SLC35F4: variants seen among roughly 807,000 people sequenced by gnomAD.
The protein encoded by SLC35F4 is solute carrier family 35 member F4.
Under a neutral mutation model 44.2 loss-of-function variants are expected in SLC35F4, and 24 were observed. The ratio of observed to expected loss-of-function variants is 0.54; its 90% CI spans 0.39 to 0.76. The LOEUF (loss-of-function observed/expected upper bound fraction) is 0.76, where lower values mean the gene tolerates loss of function less well. Among genes scored for constraint, SLC35F4 ranks in the 30% least tolerant of loss-of-function variants. The pLI, the probability that SLC35F4 is intolerant of heterozygous loss-of-function variation, is 0.00. For missense variants in SLC35F4, 562 were observed against 586.1 expected (o/e 0.96, Z 0.42); for synonymous variants, 238 against 223.6 (o/e 1.06, Z -0.57).
chr14:57,679,627 C>T (rs1382403886), intron 1 of SLC35F4, among the ~76,000 whole-genome samples: 1 of 151,492 alleles, frequency 6.6e-6, no homozygotes, highest in Middle Eastern at 3.2e-3. Flanking sequence ...AGACCAGTAG[C>T]CAGACTAATA....
At chr14:57,782,194 A>C (rs2077638286) in intron 1 of SLC35F4, among the ~76,000 whole-genome samples, 1 of 152,222 alleles carries the variant, frequency 6.6e-6, no homozygotes, top group South Asian at 2.1e-4. Flanking sequence ...TGTTATCAGA[A>C]TTAATTTATA....
chr14:57,676,941 A>G (rs2074715184), intron 1 of SLC35F4, among the ~76,000 whole-genome samples: 1 of 152,126 alleles, frequency 6.6e-6, no homozygotes, highest in Non-Finnish European at 1.5e-5. Context: ...AAGTCATTAT[A>G]TGAAAAAGAC....
chr14:57,764,293 G>A (rs1304016379), intron 1 of SLC35F4, among the ~76,000 whole-genome samples: 3 of 151,774 alleles, frequency 2.0e-5, no homozygotes, highest in Admixed American at 1.3e-4. Flanking sequence ...TACCCTTTTG[G>A]TCTCCTTGCT....
At chr14:57,780,662 A>T (rs565751440) in intron 1 of SLC35F4, among the ~76,000 whole-genome samples, 2 of 152,194 alleles carry the variant, frequency 1.3e-5, no homozygotes, top group African/African-American at 4.8e-5. Context: ...AACAAGAGCC[A>T]TCACACTACT....
intron 1 of SLC35F4, among the ~76,000 whole-genome samples, chr14:57,812,709 A>G (rs1005904386): frequency 6.7e-6 from 1 of 149,654 alleles, no homozygotes; most frequent in African/African-American, 2.5e-5. Flanking sequence ...ACGGACAAAG[A>G]AAAAAAAAAG....
At chr14:57,575,136 A>T (rs901727741) in intron 4 of SLC35F4, among the ~76,000 whole-genome samples, 2 of 152,076 alleles carry the variant, frequency 1.3e-5, no homozygotes, top group Admixed American at 1.3e-4. Flanking sequence ...GTCTCTTGAC[A>T]ATCTATTCCA....
chr14:57,609,760 G>A (rs1038486521), intron 1 of SLC35F4, among the ~76,000 whole-genome samples: 3 of 152,196 alleles, frequency 2.0e-5, no homozygotes, highest in Admixed American at 6.5e-5. Flanking sequence ...TTACTACACA[G>A]GCTTTGGAAT....
At chr14:57,841,882 T>C (rs1405684276) in intron 1 of SLC35F4, among the ~76,000 whole-genome samples, 1 of 152,244 alleles carries the variant, frequency 6.6e-6, no homozygotes, top group Non-Finnish European at 1.5e-5. Flanking sequence ...AAATTTTTTA[T>C]GTGCTGAATG....
At chr14:57,715,171 A>G (rs138655204) in intron 1 of SLC35F4, among the ~76,000 whole-genome samples, 187 of 152,290 alleles carry the variant, frequency 1.2e-3, no homozygotes, top group Middle Eastern at 0.01. Flanking sequence ...ATAGGGGGAA[A>G]AAAAAGGCAA....
At chr14:57,783,864 G>T (rs2077690580) in intron 1 of SLC35F4, among the ~76,000 whole-genome samples, 2 of 152,138 alleles carry the variant, frequency 1.3e-5, no homozygotes, top group South Asian at 4.1e-4. Context: ...GATATTCTAT[G>T]AAAGATTGTC....
At chr14:57,823,731 C>T (rs867827705) in intron 1 of SLC35F4, among the ~76,000 whole-genome samples, 1 of 152,200 alleles carries the variant, frequency 6.6e-6, no homozygotes, top group South Asian at 2.1e-4. Flanking sequence ...TAGAAATTCA[C>T]AGAATACTGT....
chr14:57,587,341 C>CTGTTAACAATAGCAAAGACTT (rs1387274247), intron 3 of SLC35F4, among the ~76,000 whole-genome samples: 1 of 152,144 alleles, frequency 6.6e-6, no homozygotes, highest in Non-Finnish European at 1.5e-5. Context: ...TATTGTGGCA[C>CTGTTAACAATAGCAAAGACTT]TGTTAACAAT....
intron 1 of SLC35F4, among the ~76,000 whole-genome samples, chr14:57,946,305 A>T: frequency 6.6e-6 from 1 of 152,178 alleles, no homozygotes; most frequent in East Asian, 1.9e-4. Flanking sequence ...TTTTTACACA[A>T]GGTGAGAGAT....
At chr14:57,686,545 CT>C (rs1056006514) in intron 1 of SLC35F4, among the ~76,000 whole-genome samples, 1 of 152,106 alleles carries the variant, frequency 6.6e-6, no homozygotes, top group Non-Finnish European at 1.5e-5. Flanking sequence ...GCATGAGAGC[CT>C]TTTTTTCTGA....
intron 1 of SLC35F4, among the ~76,000 whole-genome samples, chr14:57,807,186 T>G (rs1881424527): frequency 6.6e-6 from 1 of 152,240 alleles, no homozygotes. Context: ...ATTAGTAAAT[T>G]CAGGCTGAAT....
intron 1 of SLC35F4, among the ~76,000 whole-genome samples, chr14:57,698,188 A>G (rs1390510208): frequency 6.6e-6 from 1 of 152,222 alleles, no homozygotes; most frequent in Non-Finnish European, 1.5e-5. Context: ...GCTTTCCCCT[A>G]TCATGGCTGC....
chr14:57,951,893 T>A (rs1890148440), intron 1 of SLC35F4, among the ~76,000 whole-genome samples: 1 of 152,192 alleles, frequency 6.6e-6, no homozygotes. Flanking sequence ...CTGCCAGCTC[T>A]GAAGAGAGCA....
intron 1 of SLC35F4, among the ~76,000 whole-genome samples, chr14:57,880,319 T>C (rs970291995): frequency 6.6e-5 from 10 of 152,178 alleles, no homozygotes; most frequent in Non-Finnish European, 4.4e-5. Flanking sequence ...ATATGATATA[T>C]GGGTGGAATA....
At chr14:57,935,486 G>A (rs776411945) in intron 1 of SLC35F4, among the ~76,000 whole-genome samples, 36 of 152,200 alleles carry the variant, frequency 2.4e-4, no homozygotes, top group Non-Finnish European at 4.6e-4. Context: ...AGGCATTAAA[G>A]TGGGTTCTTG....
Sources: allele counts gnomAD v4.1 joint callset (sites outside exome capture counted in the v4.1 genomes callset), GRCh38; gene constraint gnomAD v4.1.1; transcripts MANE v1.5; gene names NCBI Gene and HGNC (gene_info 2026-07-23, HGNC 2026-07-21).